The following SLC47A2 variants were observed in gnomAD, a reference collection of about 807,000 sequenced individuals.
SLC47A2 encodes multidrug and toxin extrusion protein 2.
SLC47A2 carries 52 observed loss-of-function variants against 67.7 expected under a neutral mutation model. The observed-to-expected ratio is 0.77, with a 90% CI of 0.61 to 0.97. The LOEUF (loss-of-function observed/expected upper bound fraction) is 0.97, where lower values mean the gene tolerates loss of function less well. Among genes scored for constraint, SLC47A2 ranks in the 50% least tolerant of loss-of-function variants. The pLI is 0.00. For missense variants in SLC47A2, 676 were observed against 712.3 expected (o/e 0.95, Z 0.58); for synonymous variants, 278 against 292.9 (o/e 0.95, Z 0.52).
intron 13 of SLC47A2, among the ~76,000 whole-genome samples, chr17:19,684,695 CAAA>C (rs754988040): frequency 1.6e-5 from 1 of 63,422 alleles, no homozygotes. Flanking sequence ...ACTCTTTCTA[CAAA>C]AAAAAAAAAA....
intron 5 of SLC47A2, among the ~76,000 whole-genome samples, chr17:19,711,967 G>T (rs1386816017): frequency 6.6e-6 from 1 of 152,078 alleles, no homozygotes; most frequent in Non-Finnish European, 1.5e-5. Flanking sequence ...AGGTTATTTA[G>T]TCCTATAAAG....
chr17:19,679,867 G>T, intron 16 of SLC47A2, 85 bp downstream of exon 16: 1 of 1,329,762 alleles, frequency 7.5e-7, no homozygotes, highest in Non-Finnish European at 1.0e-6. Context: ...ATTTCCAATT[G>T]CATGAGGCAC....
Position 19,679,956 on chromosome 17 carries a change from A to C in SLC47A2, c.1476T>G (p.Ser492=). ...TRPGPEKAVL[S]SVATGSSPGI... Reference sequence around the variant, plus strand: ...AAGCAGCGGTGACAGTATTACCTGAAGATAGGACTGCTTTCTCAGGCCCAG... The same window carrying C: ...AAGCAGCGGTGACAGTATTACCTGACGATAGGACTGCTTTCTCAGGCCCAG... The change falls in exon 16 of 17, where the codon TCT becomes TCG. Residue 492 remains serine (S), a synonymous_variant. Transcript: ENST00000433844. 1 of 1,613,570 alleles carries C rather than the reference A, an allele frequency of 6.2e-7. No homozygotes were observed. The highest frequency in any genetic ancestry group is 8.5e-7 in the Non-Finnish European group (1 of 1,179,810).
At chr17:19,699,493 G>A (rs1056229809) in intron 13 of SLC47A2, among the ~76,000 whole-genome samples, 18 of 151,974 alleles carry the variant, frequency 1.2e-4, no homozygotes, top group African/African-American at 4.4e-4. Flanking sequence ...CAATCCTCCT[G>A]CCTCAGCCTC....
At position 19,715,095 on chromosome 17, in the gene SLC47A2, T is replaced by A. The variant is rs201770807; in HGVS notation, c.225+21A>T. ...GCCTGGGGAGAGAACGTCCCTGCTC[T>A]GGGCCAAGCTGGGTACTCACGGCCA... is the stretch of plus-strand genomic sequence containing the variant. On this transcript the variant is annotated intron_variant, in intron 2 of 16. Transcript: ENST00000433844. 3.0e-4 allele frequency: 486 copies of A among 1,608,312 alleles called. 1 individual carries two copies. The African/African-American group carries it at 5.7e-3, about 19-fold the overall frequency.
At chr17:19,704,944 GCCT>G (rs2085891081) in intron 10 of SLC47A2, 2 of 411,346 alleles carry the variant, frequency 4.9e-6, no homozygotes, top group South Asian at 9.6e-5. Flanking sequence ...TTCTGCCTCA[GCCT>G]CCCAAGTGGC....
chr17:19,691,815 T>G (rs1053017784), intron 13 of SLC47A2, among the ~76,000 whole-genome samples: 8 of 152,230 alleles, frequency 5.3e-5, no homozygotes, highest in African/African-American at 1.9e-4. Flanking sequence ...TCCTGATTAT[T>G]AGGCATTGCA....
rs28670431 is a variant in SLC47A2 at position 19,681,229 on chromosome 17, A to C, written c.1392+138T>G. 3.6e-3 allele frequency: 2,472 copies of C among 685,512 alleles called. 44 individuals are homozygous for C. The African/African-American group carries it at 0.04, about 11-fold the overall frequency. 42.5% of individuals were successfully genotyped at this position (685,512 alleles called of 1,614,324 possible). On this transcript the variant is annotated intron_variant, in intron 15 of 16. Coordinates refer to ENST00000433844, the MANE Select transcript of SLC47A2 (RefSeq NM_001099646.3). ...CTCCATCTCACAAACAAACAAACAA[A>C]AAAAAAAAACACCTGCAGCTTATAC... is the stretch of plus-strand genomic sequence containing the variant.
At chr17:19,713,725 T>C in intron 4 of SLC47A2, 100 bp downstream of exon 4, 3 of 1,502,808 alleles carry the variant, frequency 2.0e-6, no homozygotes, top group South Asian at 1.3e-5. Flanking sequence ...ACTCGTGGCC[T>C]AGAGAAGCAT....
At chr17:19,706,792 C>A (rs569104414) in intron 8 of SLC47A2, 31 bp from the exon 9 acceptor site, 1 of 1,550,794 alleles carries the variant, frequency 6.4e-7, no homozygotes, top group Admixed American at 1.9e-5. Context: ...AGCTGACAGC[C>A]TGCCCTGCTT....
At chr17:19,703,957 A>C in intron 11 of SLC47A2, 113 bp downstream of exon 11, 7 of 745,558 alleles carry the variant, frequency 9.4e-6, no homozygotes, top group Non-Finnish European at 1.4e-5. Flanking sequence ...CTTGGAAGAT[A>C]AACCTGGCAG....
intron 12 of SLC47A2, 80 bp from the exon 13 acceptor site, chr17:19,702,754 C>T (rs749780575): frequency 8.9e-6 from 13 of 1,458,518 alleles, no homozygotes; most frequent in East Asian, 2.3e-5. Flanking sequence ...CCACACCCCA[C>T]CCCCACAAGA....
In SLC47A2 at chr17:19,708,307, C is replaced by T. The variant is rs1357411073; in HGVS notation, c.624G>A (p.Gly208=). ...NYALVSVLNL[G]VRGSAYANII... ...CCACCAGCCCCCGGGCTCACCTGACCCCCAGGTTCAGCACAGAAACCAGGG... is the reference window on the plus strand; with the variant it reads ...CCACCAGCCCCCGGGCTCACCTGACTCCCAGGTTCAGCACAGAAACCAGGG... Residue 208 remains glycine, a synonymous_variant, in exon 7 of 17, where the codon GGG becomes GGA. Transcript: ENST00000433844. 2 of 1,612,578 alleles carry T rather than the reference C, an allele frequency of 1.2e-6. No homozygotes were observed. The highest frequency in any genetic ancestry group is 2.2e-5 in the East Asian group (1 of 44,886).
intron 16 of SLC47A2, 75 bp from the exon 17 acceptor site, chr17:19,678,981 C>T (rs2085251714): frequency 1.6e-6 from 2 of 1,270,570 alleles, no homozygotes; most frequent in Non-Finnish European, 2.2e-6. Context: ...ATCGGGAAAC[C>T]TAGGTTAACC....
chr17:19,681,167 C>T (rs2085304272), intron 15 of SLC47A2, among the ~76,000 whole-genome samples, 200 bp downstream of exon 15: 1 of 151,938 alleles, frequency 6.6e-6, no homozygotes, highest in Non-Finnish European at 1.5e-5. Flanking sequence ...GAGCTGAGAT[C>T]GCGCCACTGC....
intron 12 of SLC47A2, 86 bp from the exon 13 acceptor site, chr17:19,702,760 C>T: frequency 2.8e-6 from 4 of 1,434,792 alleles, no homozygotes; most frequent in Admixed American, 3.9e-5. Context: ...CCCACCCCCA[C>T]AAGAAAAAGC....
chr17:19,714,519 C>T (rs1171488804), intron 3 of SLC47A2: 4 of 645,980 alleles, frequency 6.2e-6, no homozygotes, highest in Non-Finnish European at 1.1e-5. Flanking sequence ...ACCCCTTTCT[C>T]CTGGCCCAGA....
chr17:19,716,731 G>A (rs2152367883), upstream of SLC47A2: 2 of 961,082 alleles, frequency 2.1e-6, no homozygotes, highest in Admixed American at 3.3e-5. Context: ...CTAGGGCACT[G>A]AGTCCCTGCT....
At chr17:19,697,852 C>G (rs748243336) in intron 13 of SLC47A2, among the ~76,000 whole-genome samples, 3 of 151,954 alleles carry the variant, frequency 2.0e-5, no homozygotes, top group Non-Finnish European at 4.4e-5. Flanking sequence ...TCTTTAGCCT[C>G]CCAAAGTGAT....
Sources: gnomAD v4.1 joint callset for allele counts (sites outside exome capture counted in the v4.1 genomes callset) on GRCh38, gnomAD v4.1.1 for gene constraint, MANE v1.5 for transcripts, NCBI Gene and HGNC (gene_info 2026-07-23, HGNC 2026-07-21) for gene names.